Variants in KLHL24 observed in about 807,000 individuals in gnomAD.
KLHL24 encodes the protein kelch-like protein 24.
A neutral mutation model predicts 53.4 loss-of-function variants in KLHL24; 29 were observed. That is an observed-to-expected ratio of 0.54 (90% confidence interval 0.40 to 0.74). The LOEUF is 0.74. Ranked by LOEUF, KLHL24 falls within the 30% of genes least tolerant of loss-of-function variation. The probability of loss-of-function intolerance (pLI) is 0.00; values close to 1 mark genes in which losing one functional copy is unlikely to be tolerated. For synonymous variants in KLHL24, 222 were observed against 253.7 expected (o/e 0.88, Z 1.19); for missense variants, 504 against 744.0 (o/e 0.68, Z 3.75).
chr3:183,662,300 TAA>T (rs1445316745), intron 3 of KLHL24, among the ~76,000 whole-genome samples: 1 of 152,152 alleles, frequency 6.6e-6, no homozygotes, highest in Non-Finnish European at 1.5e-5. Context: ...ACAGCTCTGT[TAA>T]AAGAGACACG....
chr3:183,650,241 G>T lies in KLHL24; in HGVS notation c.-61-55G>T. The T allele has an allele frequency of 1.4e-6, 1 of 711,916 alleles. No homozygotes were observed. Among genetic ancestry groups the T allele is most frequent in the Non-Finnish European group, 2.3e-6 (1 of 433,166 alleles). 44.1% of individuals were successfully genotyped at this position (711,916 alleles called of 1,614,324 possible). On this transcript the variant is annotated intron_variant, in intron 2 of 7. Coordinates refer to ENST00000242810, the MANE Select transcript of KLHL24 (RefSeq NM_017644.3). The surrounding 1 kb of genome is among the most constrained non-coding windows in gnomAD (Gnocchi z 4.5). ...TGTTTATATTAAAATGAAATTATGT[G>T]ATTTGAATACTGAATTTTTTGCATA...
intron 1 of KLHL24, among the ~76,000 whole-genome samples, chr3:183,642,699 G>T (rs1716630440): frequency 6.7e-6 from 1 of 148,824 alleles, no homozygotes; most frequent in Admixed American, 6.7e-5. Flanking sequence ...CAAGGCAGAA[G>T]AAATATACAT....
intron 2 of KLHL24, among the ~76,000 whole-genome samples, chr3:183,647,720 C>A (rs1717503298): frequency 6.6e-6 from 1 of 151,144 alleles, no homozygotes; most frequent in African/African-American, 2.4e-5. Flanking sequence ...CAAAACATAA[C>A]AGGCTGAGCG....
intron 2 of KLHL24, among the ~76,000 whole-genome samples, chr3:183,646,615 A>G (rs1717286491): frequency 6.6e-6 from 1 of 152,148 alleles, no homozygotes; most frequent in Non-Finnish European, 1.5e-5. Context: ...AATGGTCAGA[A>G]TAACCTGGCA....
chr3:183,657,507 A>G (rs1220068184), intron 3 of KLHL24, among the ~76,000 whole-genome samples: 1 of 152,244 alleles, frequency 6.6e-6, no homozygotes, highest in Non-Finnish European at 1.5e-5. Flanking sequence ...AACAAATGAG[A>G]AGACCAAGGA....
chr3:183,644,334 A>G (rs1249593525), intron 2 of KLHL24, among the ~76,000 whole-genome samples: 1 of 152,002 alleles, frequency 6.6e-6, no homozygotes, highest in African/African-American at 2.4e-5. Flanking sequence ...CACTCCTAAG[A>G]TGCCCTCCTG....
At chr3:183,674,468 C>G (rs1008497814) in intron 7 of KLHL24, among the ~76,000 whole-genome samples, 1 of 152,042 alleles carries the variant, frequency 6.6e-6, no homozygotes, top group African/African-American at 2.4e-5. Context: ...TCAAGTGATT[C>G]TCCTGCCTCA....
At chr3:183,676,463 G>A (rs1473967907) in intron 7 of KLHL24, among the ~76,000 whole-genome samples, 6 of 152,070 alleles carry the variant, frequency 3.9e-5, no homozygotes, top group Admixed American at 3.3e-4. Context: ...AATGCCAACC[G>A]ATGAAAAAGG....
chr3:183,661,652 A>G (rs1216381381), intron 3 of KLHL24, among the ~76,000 whole-genome samples: 5 of 152,218 alleles, frequency 3.3e-5, no homozygotes, highest in African/African-American at 7.2e-5. Context: ...TTAGCTTCTC[A>G]TGCTGTTTTC....
chr3:183,677,232 C>T (rs1269818541), intron 7 of KLHL24, among the ~76,000 whole-genome samples: 1 of 152,020 alleles, frequency 6.6e-6, no homozygotes, highest in Non-Finnish European at 1.5e-5. Flanking sequence ...TTAGAATCAT[C>T]CTCAAAATAA....
chr3:183,657,590 A>G (rs969627593), intron 3 of KLHL24, among the ~76,000 whole-genome samples: 1 of 152,202 alleles, frequency 6.6e-6, no homozygotes, highest in African/African-American at 2.4e-5. Flanking sequence ...CATATTTTGC[A>G]GGTGATAAAA....
At chr3:183,647,870 G>A (rs1717536190) in intron 2 of KLHL24, among the ~76,000 whole-genome samples, 1 of 152,000 alleles carries the variant, frequency 6.6e-6, no homozygotes, top group Admixed American at 6.6e-5. Flanking sequence ...GCCAGGCGCG[G>A]TGGCATGCGC....
At chr3:183,673,439 CCT>C (rs1405410537) in intron 7 of KLHL24, among the ~76,000 whole-genome samples, 5 of 151,948 alleles carry the variant, frequency 3.3e-5, no homozygotes, top group African/African-American at 9.7e-5. Flanking sequence ...GTATTTATCC[CCT>C]CTCTTTCATA....
chr3:183,670,960 C>T, intron 5 of KLHL24, 74 bp from the exon 6 acceptor site: 2 of 1,023,344 alleles, frequency 2.0e-6, no homozygotes, highest in Non-Finnish European at 3.0e-6. Context: ...GAAGAGATCC[C>T]TTAATTCTTT....
At chr3:183,648,215 T>G (rs1717603893) in intron 2 of KLHL24, among the ~76,000 whole-genome samples, 1 of 152,064 alleles carries the variant, frequency 6.6e-6, no homozygotes, top group Admixed American at 6.6e-5. Flanking sequence ...GTAGGATATC[T>G]GGGGCATTAG....
chr3:183,645,163 A>G (rs1339186537), intron 2 of KLHL24, among the ~76,000 whole-genome samples: 2 of 152,244 alleles, frequency 1.3e-5, no homozygotes, highest in Non-Finnish European at 2.9e-5. Context: ...AATATGAGTT[A>G]TATTCCATGT....
At chr3:183,660,311 T>C (rs1251684857) in intron 3 of KLHL24, among the ~76,000 whole-genome samples, 1 of 152,024 alleles carries the variant, frequency 6.6e-6, no homozygotes, top group African/African-American at 2.4e-5. Flanking sequence ...TTGTATTTTT[T>C]ATAGAGACAG....
At chr3:183,664,295 C>T (rs1720218365) in intron 4 of KLHL24, among the ~76,000 whole-genome samples, 2 of 152,150 alleles carry the variant, frequency 1.3e-5, no homozygotes, top group African/African-American at 4.8e-5. Context: ...ATTTCTAATT[C>T]ACCCATGTTT....
intron 3 of KLHL24, among the ~76,000 whole-genome samples, chr3:183,661,005 C>T (rs1481948715): frequency 1.2e-5 from 1 of 85,342 alleles, no homozygotes. Context: ...GCGGAGCTTG[C>T]AGTGAGCCGA....
Sources: gnomAD v4.1 joint callset for allele counts (sites outside exome capture counted in the v4.1 genomes callset) on GRCh38, gnomAD v4.1.1 for gene constraint, Gnocchi (gnomAD v3.1) non-coding constraint, MANE v1.5 for transcripts, NCBI Gene and HGNC (gene_info 2026-07-23, HGNC 2026-07-21) for gene names.